The following ILKAP variants were observed in gnomAD, a reference collection of about 807,000 sequenced individuals.
ILKAP encodes the protein integrin-linked kinase-associated serine/threonine phosphatase 2C.
A neutral mutation model predicts 49.1 loss-of-function variants in ILKAP; 11 were observed. The ratio of observed to expected loss-of-function variants is 0.22; its 90% CI spans 0.14 to 0.37. The LOEUF is 0.37. ILKAP is among the 10% of genes least tolerant of loss of function. The pLI, the probability that ILKAP is intolerant of heterozygous loss-of-function variation, is 1.00. For synonymous variants in ILKAP, 186 were observed against 192.8 expected, an observed-to-expected ratio of 0.96 and a Z score of 0.29; for missense variants, 363 against 510.8, an observed-to-expected ratio of 0.71 and a Z score of 2.79.
intron 1 of ILKAP, among the ~76,000 whole-genome samples, chr2:238,197,623 T>A (rs1230748513): frequency 2.0e-5 from 3 of 152,210 alleles, no homozygotes; most frequent in Non-Finnish European, 4.4e-5. Context: ...AGCTTAGTAT[T>A]AATACTAGCC....
intron 8 of ILKAP, among the ~76,000 whole-genome samples, 194 bp from the exon 9 acceptor site, chr2:238,182,380 G>A (rs1480036596): frequency 6.6e-6 from 1 of 152,226 alleles, no homozygotes; most frequent in Non-Finnish European, 1.5e-5. Flanking sequence ...AACAGTTAGG[G>A]AGAGAGTCGC....
chr2:238,180,112 G>A (rs372578818), intron 9 of ILKAP, among the ~76,000 whole-genome samples: 40 of 151,870 alleles, frequency 2.6e-4, no homozygotes, highest in Admixed American at 1.0e-3. Context: ...TCAAGGCTGC[G>A]GTGAGCTGTG....
At chr2:238,181,915 T>C in intron 9 of ILKAP, 150 bp downstream of exon 9, 1 of 786,914 alleles carries the variant, frequency 1.3e-6, no homozygotes, top group Non-Finnish European at 2.0e-6. Context: ...ACAACTGTCA[T>C]CCACCTATGT....
chr2:238,190,769 A>G (rs1479429967), intron 3 of ILKAP, among the ~76,000 whole-genome samples: 1 of 151,286 alleles, frequency 6.6e-6, no homozygotes, highest in Non-Finnish European at 1.5e-5. Flanking sequence ...AGCCAGATGC[A>G]GTGGCACATG....
intron 1 of ILKAP, among the ~76,000 whole-genome samples, chr2:238,198,363 C>T (rs1325515311): frequency 1.3e-5 from 2 of 151,976 alleles, no homozygotes; most frequent in African/African-American, 4.8e-5. Context: ...GTCAGATTCC[C>T]GAGTAGCTGA....
chr2:238,170,641 T>C lies in ILKAP; in HGVS notation c.1074A>G (p.Ala358=), dbSNP rs1183498517. Residue 358 remains alanine (A), a synonymous_variant, in exon 12 of 12, where the codon GCA becomes GCG. Coordinates refer to ENST00000254654, the MANE Select transcript of ILKAP (RefSeq NM_030768.3). ...EKIQTREGKS[A]ADARYEAACN... Reference sequence around the variant, plus strand: ...AGGCTGCTTCGTAGCGGGCGTCGGCTGCGGACTTCCCTTCCCGGGTCTGGA... The same window carrying C: ...AGGCTGCTTCGTAGCGGGCGTCGGCCGCGGACTTCCCTTCCCGGGTCTGGA... 1.2e-6 allele frequency: 2 copies of C among 1,600,578 alleles called. No individual in the cohort carries two copies. The highest frequency in any genetic ancestry group is 1.7e-6 in the Non-Finnish European group (2 of 1,169,474).
chr2:238,196,238 ACAC>A (rs1694343703), intron 1 of ILKAP, among the ~76,000 whole-genome samples: 1 of 151,914 alleles, frequency 6.6e-6, no homozygotes, highest in African/African-American at 2.4e-5. Flanking sequence ...TCACAGGCGC[ACAC>A]CACCATGCCC....
chr2:238,173,775 T>A (rs1693330600), intron 9 of ILKAP, 122 bp from the exon 10 acceptor site: 1 of 1,126,994 alleles, frequency 8.9e-7, no homozygotes, highest in Admixed American at 2.4e-5. Flanking sequence ...GAATTCACAT[T>A]ATTAACCACT....
At chr2:238,176,670 GA>G in intron 9 of ILKAP, among the ~76,000 whole-genome samples, 1 of 152,300 alleles carries the variant, frequency 6.6e-6, no homozygotes, top group Non-Finnish European at 1.5e-5. Flanking sequence ...TCTCCAGAGA[GA>G]GAGAGAGAGA....
intron 3 of ILKAP, among the ~76,000 whole-genome samples, chr2:238,190,886 A>C (rs1418163129): frequency 2.0e-5 from 3 of 149,618 alleles, no homozygotes; most frequent in African/African-American, 7.4e-5. Context: ...TTAAAAAAAA[A>C]AAAAAAAAAA....
In ILKAP at chr2:238,203,520, G is replaced by C. The variant is rs1694666767; in HGVS notation, c.34C>G (p.Arg12Gly). 4 of 1,244,568 alleles carry C rather than the reference G, an allele frequency of 3.2e-6. No individual in the cohort carries two copies. Among genetic ancestry groups the C allele is most frequent in the Non-Finnish European group, 4.1e-6 (4 of 986,156 alleles). The allele number at this position is 1,244,568 out of a possible 1,614,324, so 77.1% of individuals were successfully genotyped here. ...DLFGDLPEPE[R>G]SPRPAAGKEA... is the part of the protein sequence containing the mutation. ...TTACCGGCAGCCGGGCGCGGCGAGC[G>C]CTCGGGCTCCGGCAGGTCCCCGAAG... Residue 12 changes from arginine (R) to glycine (G), a missense_variant, in exon 1 of 12, where the codon CGC (arginine) becomes GGC (glycine). Transcript: ENST00000254654.
At chr2:238,188,890 T>A (rs567893307) in intron 4 of ILKAP, among the ~76,000 whole-genome samples, 1 of 152,352 alleles carries the variant, frequency 6.6e-6, no homozygotes, top group African/African-American at 2.4e-5. Flanking sequence ...AGCTGTCTTC[T>A]GGGAAGTGAC....
chr2:238,178,090 A>T (rs962893298), intron 9 of ILKAP, among the ~76,000 whole-genome samples: 1 of 152,260 alleles, frequency 6.6e-6, no homozygotes, highest in Admixed American at 6.5e-5. Flanking sequence ...CAGTAAAAAC[A>T]GTTATTTCAC....
At chr2:238,181,051 C>T (rs1355883766) in intron 9 of ILKAP, among the ~76,000 whole-genome samples, 2 of 152,294 alleles carry the variant, frequency 1.3e-5, no homozygotes, top group South Asian at 4.1e-4. Context: ...CTGCAGCGAC[C>T]GTGAATGAAA....
intron 3 of ILKAP, among the ~76,000 whole-genome samples, chr2:238,191,329 G>A (rs186148968): frequency 5.3e-5 from 8 of 152,124 alleles, no homozygotes; most frequent in Admixed American, 2.6e-4. Flanking sequence ...TAGTAGAGAC[G>A]GAGTTTCACC....
chr2:238,193,030 T>C (rs1041826808), intron 3 of ILKAP, among the ~76,000 whole-genome samples: 8 of 152,070 alleles, frequency 5.3e-5, no homozygotes, highest in Non-Finnish European at 7.4e-5. Flanking sequence ...AAAAAATGTG[T>C]TAACTTCTCT....
At chr2:238,172,385 C>G (rs538577773) in intron 10 of ILKAP, among the ~76,000 whole-genome samples, 1 of 152,182 alleles carries the variant, frequency 6.6e-6, no homozygotes, top group Non-Finnish European at 1.5e-5. Context: ...TTCACTCGGC[C>G]GCTACTTGCC....
intron 1 of ILKAP, among the ~76,000 whole-genome samples, chr2:238,199,522 T>C (rs915387322): frequency 6.6e-6 from 1 of 152,208 alleles, no homozygotes; most frequent in African/African-American, 2.4e-5. Context: ...ACTGGGAGGA[T>C]ACATCCTTTG....
intron 5 of ILKAP, chr2:238,185,523 G>A (rs547644312): frequency 6.4e-5 from 26 of 404,838 alleles, no homozygotes; most frequent in African/African-American, 4.5e-4. Flanking sequence ...TTGTGTGTGG[G>A]CCAGGTGTGG....
Sources: gnomAD v4.1 joint callset for allele counts (sites outside exome capture counted in the v4.1 genomes callset) on GRCh38, gnomAD v4.1.1 for gene constraint, MANE v1.5 for transcripts, NCBI Gene and HGNC (gene_info 2026-07-23, HGNC 2026-07-21) for gene names.